RAB6B: variants seen among roughly 807,000 people sequenced by gnomAD.
RAB6B encodes the protein ras-related protein Rab-6B.
In RAB6B, 7 loss-of-function variants were observed where a neutral mutation model predicts 31.2. The observed-to-expected ratio is 0.22, with a 90% CI of 0.13 to 0.42. The LOEUF (loss-of-function observed/expected upper bound fraction) is 0.42. RAB6B is among the 10% of genes least tolerant of loss of function. The probability of loss-of-function intolerance (pLI) is 1.00; values close to 1 mark genes in which losing one functional copy is unlikely to be tolerated. For missense variants in RAB6B, 149 were observed against 280.6 expected (o/e 0.53, Z 3.35); for synonymous variants, 105 against 104.9 (o/e 1.00, Z -0.01).
intron 1 of RAB6B, among the ~76,000 whole-genome samples, chr3:133,880,314 T>A (rs1576409001): frequency 6.6e-6 from 1 of 152,224 alleles, no homozygotes; most frequent in African/African-American, 2.4e-5. Flanking sequence ...AAAAGAAGGC[T>A]GAGGCAGGGA....
chr3:133,862,465 T>C (rs1374335618), intron 2 of RAB6B, among the ~76,000 whole-genome samples: 1 of 152,192 alleles, frequency 6.6e-6, no homozygotes, highest in African/African-American at 2.4e-5. Flanking sequence ...ATAGGAAAGA[T>C]GGTCACGGAG....
chr3:133,885,670 G>A, intron 1 of RAB6B: 6 of 701,994 alleles, frequency 8.5e-6, no homozygotes, highest in Non-Finnish European at 1.6e-5. Flanking sequence ...AGGGCACTGT[G>A]GAGATAGGAT....
chr3:133,884,214 A>G (rs62269108), intron 1 of RAB6B, among the ~76,000 whole-genome samples: 14,536 of 152,314 alleles, frequency 0.095, 1,311 homozygotes, highest in African/African-American at 0.24. Context: ...GGCACTGCCT[A>G]TGCAGAAGAA....
At chr3:133,858,680 C>A (rs1017341514) in intron 2 of RAB6B, among the ~76,000 whole-genome samples, 1 of 152,164 alleles carries the variant, frequency 6.6e-6, no homozygotes, top group African/African-American at 2.4e-5. Flanking sequence ...TCCCATGCTG[C>A]GATACTTGGG....
chr3:133,871,527 G>C (rs1221982492), intron 1 of RAB6B, among the ~76,000 whole-genome samples: 1 of 152,230 alleles, frequency 6.6e-6, no homozygotes, highest in Non-Finnish European at 1.5e-5. Context: ...TTTGGGGCCA[G>C]TGGCTATGAG....
At chr3:133,843,451 G>A (rs1277026977) in intron 2 of RAB6B, among the ~76,000 whole-genome samples, 1 of 152,180 alleles carries the variant, frequency 6.6e-6, no homozygotes, top group Non-Finnish European at 1.5e-5. Context: ...CTTGTCTTCT[G>A]ATTCCCTTAT....
chr3:133,833,652 T>C (rs951807447), intron 7 of RAB6B, among the ~76,000 whole-genome samples: 4 of 152,190 alleles, frequency 2.6e-5, no homozygotes, highest in African/African-American at 9.6e-5. Context: ...CCCTTCCATC[T>C]TCCCAGGGCC....
intron 2 of RAB6B, among the ~76,000 whole-genome samples, chr3:133,857,225 C>G (rs941322757): frequency 6.6e-6 from 1 of 152,038 alleles, no homozygotes; most frequent in Non-Finnish European, 1.5e-5. Flanking sequence ...CTATATGAGC[C>G]ATAGTTCAAA....
intron 1 of RAB6B, among the ~76,000 whole-genome samples, chr3:133,888,241 A>T (rs1339715430): frequency 6.6e-6 from 1 of 152,254 alleles, no homozygotes; most frequent in Non-Finnish European, 1.5e-5. Flanking sequence ...GGGCAGGGCC[A>T]GCTCTCTCTG....
intron 1 of RAB6B, among the ~76,000 whole-genome samples, chr3:133,888,123 G>A (rs1249997552): frequency 3.9e-5 from 6 of 152,212 alleles, no homozygotes; most frequent in African/African-American, 1.4e-4. Flanking sequence ...CTCCGCTCCA[G>A]TCCTAGGCCA....
Position 133,827,298 on chromosome 3 carries a change from G to C in RAB6B, c.*1490C>G, listed in dbSNP as rs554463499. On this transcript the variant is annotated 3_prime_UTR_variant, in exon 8 of 8. Transcript: ENST00000285208. ...CATGCCCAGCAGCAGCCTGGAGGGA[G>C]AGCCAATGACAGCAGGGAGGGTGGG... is the stretch of plus-strand genomic sequence containing the variant. 3 of 152,448 alleles carry C rather than the reference G, an allele frequency of 2.0e-5. No homozygotes were observed. Among genetic ancestry groups the C allele is most frequent in the Admixed American group, 2.0e-4 (3 of 15,304 alleles). The allele number at this position is 152,448 out of a possible 1,614,324, so 9.4% of individuals were successfully genotyped here.
chr3:133,880,286 A>G (rs1407496046), intron 1 of RAB6B, among the ~76,000 whole-genome samples: 1 of 152,220 alleles, frequency 6.6e-6, no homozygotes, highest in Non-Finnish European at 1.5e-5. Flanking sequence ...TGTTGATGTT[A>G]AAAGACTCAG....
intron 4 of RAB6B, among the ~76,000 whole-genome samples, chr3:133,841,062 C>A (rs1221765372): frequency 1.3e-5 from 2 of 152,208 alleles, no homozygotes; most frequent in Non-Finnish European, 1.5e-5. Context: ...GCCCTATAAA[C>A]CCCTGTCGGT....
At chr3:133,893,494 C>T (rs1936665533) in intron 1 of RAB6B, among the ~76,000 whole-genome samples, 1 of 152,156 alleles carries the variant, frequency 6.6e-6, no homozygotes, top group Non-Finnish European at 1.5e-5. Context: ...GGCCTCCGTT[C>T]ATCAGGGATT....
intron 1 of RAB6B, among the ~76,000 whole-genome samples, chr3:133,886,437 T>A (rs1936548399): frequency 6.6e-6 from 1 of 152,124 alleles, no homozygotes; most frequent in Admixed American, 6.5e-5. Flanking sequence ...CTGGCTGAGC[T>A]CCTTACAGGA....
chr3:133,848,951 T>C (rs181968403), intron 2 of RAB6B, among the ~76,000 whole-genome samples: 308 of 152,322 alleles, frequency 2.0e-3, no homozygotes, highest in African/African-American at 7.3e-3. Context: ...AGCTGGCCTA[T>C]AATGCTGTTC....
intron 1 of RAB6B, among the ~76,000 whole-genome samples, chr3:133,878,179 T>A (rs746291476): frequency 3.3e-5 from 5 of 151,762 alleles, no homozygotes; most frequent in Non-Finnish European, 7.4e-5. Flanking sequence ...AAACTATACA[T>A]CCACAGATTC....
intron 2 of RAB6B, among the ~76,000 whole-genome samples, chr3:133,850,904 G>A (rs556012281): frequency 1.2e-4 from 18 of 151,774 alleles, no homozygotes; most frequent in Middle Eastern, 3.4e-3. Context: ...AATCTTGACA[G>A]TAGCCAGAGG....
At chr3:133,892,189 A>G (rs764264920) in intron 1 of RAB6B, among the ~76,000 whole-genome samples, 1 of 151,922 alleles carries the variant, frequency 6.6e-6, no homozygotes, top group Non-Finnish European at 1.5e-5. Context: ...GTCTCCTACC[A>G]CTGCCATCAG....
Sources: gnomAD v4.1 joint callset for allele counts (sites outside exome capture counted in the v4.1 genomes callset) on GRCh38, gnomAD v4.1.1 for gene constraint, MANE v1.5 for transcripts, NCBI Gene and HGNC (gene_info 2026-07-23, HGNC 2026-07-21) for gene names.